The following OPRM1 variants were observed in gnomAD, a reference collection of about 807,000 sequenced individuals.
OPRM1 encodes mu-type opioid receptor.
Under a neutral mutation model 31.8 loss-of-function variants are expected in OPRM1, and 27 were observed. That is an observed-to-expected ratio of 0.85 (90% CI 0.63 to 1.17). OPRM1 has a LOEUF of 1.17. Among genes scored for constraint, OPRM1 ranks in the 50% most tolerant of loss-of-function variants. The probability of loss-of-function intolerance (pLI) is 0.00; values close to 1 mark genes in which losing one functional copy is unlikely to be tolerated. For missense variants in OPRM1, 536 were observed against 511.1 expected (o/e 1.05, Z -0.47); for synonymous variants, 196 against 189.9 (o/e 1.03, Z -0.26).
chr6:154,211,171 C>G (rs1459305868), intron 3 of OPRM1, among the ~76,000 whole-genome samples: 7 of 152,124 alleles, frequency 4.6e-5, no homozygotes, highest in Non-Finnish European at 7.3e-5. Flanking sequence ...AATCCCAGCA[C>G]TTTGGGAGGC....
chr6:154,109,816 G>A (rs1419079987), intron 3 of OPRM1, among the ~76,000 whole-genome samples: 4 of 139,266 alleles, frequency 2.9e-5, no homozygotes, highest in African/African-American at 1.1e-4. Context: ...GTGTGTGTGT[G>A]TGTGTGTGTG....
intron 3 of OPRM1, among the ~76,000 whole-genome samples, chr6:154,162,581 C>G (rs1262148909): frequency 6.6e-6 from 1 of 152,192 alleles, no homozygotes; most frequent in African/African-American, 2.4e-5. Flanking sequence ...ATACATTCTC[C>G]TGATTTTTCT....
chr6:154,202,656 A>G (rs1777165052), intron 3 of OPRM1, among the ~76,000 whole-genome samples: 1 of 152,204 alleles, frequency 6.6e-6, no homozygotes, highest in Admixed American at 6.5e-5. Flanking sequence ...CAGTTGCTAC[A>G]GGACTGTCTG....
chr6:154,086,867 G>A, intron 1 of OPRM1: 2 of 984,244 alleles, frequency 2.0e-6, no homozygotes, highest in Non-Finnish European at 2.4e-6. Context: ...CTCTTTTGGG[G>A]AGAAACTTCT....
downstream of OPRM1, among the ~76,000 whole-genome samples, chr6:154,134,327 A>G (rs909535951): frequency 2.0e-5 from 3 of 152,222 alleles, no homozygotes; most frequent in African/African-American, 7.2e-5. Flanking sequence ...GGATAGAGTA[A>G]ACAAAGCCAA....
At chr6:154,169,635 A>T (rs551860427) in intron 3 of OPRM1, among the ~76,000 whole-genome samples, 1 of 152,276 alleles carries the variant, frequency 6.6e-6, no homozygotes, top group South Asian at 2.1e-4. Flanking sequence ...GTAGAAAGTG[A>T]TCATTCCTCA....
chr6:154,229,462 G>A (rs182705895), intron 3 of OPRM1, among the ~76,000 whole-genome samples: 19 of 146,098 alleles, frequency 1.3e-4, no homozygotes, highest in Middle Eastern at 3.6e-3. Flanking sequence ...CCATTCTCCC[G>A]CCTCAGCCTC....
intron 3 of OPRM1, among the ~76,000 whole-genome samples, chr6:154,229,676 A>G (rs1269636450): frequency 6.6e-6 from 1 of 152,196 alleles, no homozygotes; most frequent in Non-Finnish European, 1.5e-5. Flanking sequence ...TTCTAAAAAA[A>G]GTAAGCATAT....
chr6:154,084,386 T>C (rs980830988), intron 1 of OPRM1, among the ~76,000 whole-genome samples: 2 of 152,134 alleles, frequency 1.3e-5, no homozygotes, highest in Admixed American at 6.5e-5. Context: ...TTATGCTTTT[T>C]CTTATTTTAG....
At position 154,084,154 on chromosome 6, in the gene OPRM1, C is replaced by A. The variant is rs548426668; in HGVS notation, c.291-5672C>A. Among the ~76,000 whole-genome samples, 3 of 152,224 alleles carry A rather than the reference C, an allele frequency of 2.0e-5. No individual in the cohort carries two copies. The East Asian group carries it at 5.8e-4, about 29-fold the overall frequency. On this transcript the variant is annotated intron_variant, in intron 1 of 3. Coordinates refer to ENST00000330432, the MANE Select transcript of OPRM1 (RefSeq NM_000914.5). ...AGGATTCAGAGGTCTGCTATCACCA[C>A]TCTTTTCCTTTGCTGATAGTAGCTT...
At chr6:154,043,106 G>A (rs1170817915) in intron 1 of OPRM1, among the ~76,000 whole-genome samples, 3 of 152,128 alleles carry the variant, frequency 2.0e-5, no homozygotes, top group East Asian at 1.9e-4. Context: ...CTATGAACAT[G>A]GTATGTACAG....
At chr6:154,215,414 AC>A (rs1334517240) in intron 3 of OPRM1, among the ~76,000 whole-genome samples, 7 of 151,662 alleles carry the variant, frequency 4.6e-5, no homozygotes, top group African/African-American at 1.7e-4. Context: ...GACCAGCCTG[AC>A]CAACAGGGAG....
At chr6:154,189,387 C>T (rs2128578784) in intron 3 of OPRM1, among the ~76,000 whole-genome samples, 1 of 152,006 alleles carries the variant, frequency 6.6e-6, no homozygotes, top group South Asian at 2.1e-4. Context: ...AGGTGTATAC[C>T]CGTAGAGAAA....
At chr6:154,186,555 T>C (rs1276480411) in intron 3 of OPRM1, among the ~76,000 whole-genome samples, 2 of 149,520 alleles carry the variant, frequency 1.3e-5, no homozygotes, top group Non-Finnish European at 3.0e-5. Context: ...CCTTTCTTTC[T>C]TTTTTTCTCT....
chr6:154,105,018 T>C (rs1795381328), intron 3 of OPRM1, among the ~76,000 whole-genome samples: 1 of 152,224 alleles, frequency 6.6e-6, no homozygotes, highest in African/African-American at 2.4e-5. Context: ...CCCAAGGGAC[T>C]TTTATTGGCT....
chr6:154,035,895 A>G (rs1779274116), upstream of OPRM1, among the ~76,000 whole-genome samples: 1 of 152,164 alleles, frequency 6.6e-6, no homozygotes, highest in Non-Finnish European at 1.5e-5. Context: ...AAGAAGCATC[A>G]ACAAAAAGAC....
At position 154,229,348 on chromosome 6, in the gene OPRM1, T is replaced by A. The variant is rs995970379; in HGVS notation, c.1165-17345T>A. Among the ~76,000 whole-genome samples the A allele has an allele frequency of 8.0e-5, 3 of 37,532 alleles. No homozygotes were observed. In the East Asian group the frequency reaches 2.5e-3, roughly 31 times the overall value. The allele number at this position is 37,532 out of a possible 152,430, so 24.6% of individuals were successfully genotyped here. A position where few individuals can be genotyped will look rare whatever the true frequency, so the allele number is the denominator to read the frequency against. On this transcript the variant is annotated intron_variant, in intron 3 of 3. Transcript: ENST00000337049. The stretch of plus-strand genomic sequence containing the variant: ...AGGCAGTGTGGAAAAGTTTGCCGGT[T>A]TTTTTTTTTTTTTTTTTTTGAGACG...
chr6:154,143,742 A>G (rs901798987), intron 3 of OPRM1, among the ~76,000 whole-genome samples: 7 of 152,254 alleles, frequency 4.6e-5, no homozygotes, highest in African/African-American at 1.7e-4. Context: ...GTTTGGTCCT[A>G]AAACAAGACT....
chr6:154,213,614 T>C (rs1010267763), intron 3 of OPRM1, among the ~76,000 whole-genome samples: 1 of 152,212 alleles, frequency 6.6e-6, no homozygotes, highest in African/African-American at 2.4e-5. Context: ...AGGCCTTTTG[T>C]GGTCTGGGCA....
Sources: allele counts gnomAD v4.1 joint callset (sites outside exome capture counted in the v4.1 genomes callset), GRCh38; gene constraint gnomAD v4.1.1; transcripts MANE v1.5; gene names NCBI Gene and HGNC (gene_info 2026-07-23, HGNC 2026-07-21).